Variants in CNTN5 observed in about 807,000 individuals in gnomAD.
The protein encoded by CNTN5 is contactin-5.
A neutral mutation model predicts 129.1 loss-of-function variants in CNTN5; 77 were observed. That is an observed-to-expected ratio of 0.60 (90% CI 0.50 to 0.72). CNTN5 has a LOEUF of 0.72. Among genes scored for constraint, CNTN5 ranks in the 30% least tolerant of loss-of-function variants. CNTN5 has a pLI of 0.00. For synonymous variants in CNTN5, 509 were observed against 465.6 expected, an observed-to-expected ratio of 1.09 and a Z score of -1.20; for missense variants, 1,478 against 1,328.8, an observed-to-expected ratio of 1.11 and a Z score of -1.75.
chr11:99,754,355 C>A (rs1944342475), intron 3 of CNTN5, among the ~76,000 whole-genome samples: 1 of 152,172 alleles, frequency 6.6e-6, no homozygotes, highest in Non-Finnish European at 1.5e-5. Context: ...ATACTGCAGT[C>A]TTTTCCCTCT....
At chr11:99,641,601 C>A (rs1019281063) in intron 3 of CNTN5, among the ~76,000 whole-genome samples, 7 of 152,080 alleles carry the variant, frequency 4.6e-5, no homozygotes, top group Non-Finnish European at 1.0e-4. Context: ...ACATCATTAT[C>A]TGGAATCTGG....
chr11:99,862,183 A>G (rs1948227549), intron 6 of CNTN5, among the ~76,000 whole-genome samples: 1 of 152,202 alleles, frequency 6.6e-6, no homozygotes, highest in African/African-American at 2.4e-5. Flanking sequence ...ATCATATTTA[A>G]TATGATACTT....
intron 1 of CNTN5, among the ~76,000 whole-genome samples, chr11:99,275,215 A>C (rs11606667): frequency 0.098 from 14,854 of 151,370 alleles, 752 homozygotes; most frequent in South Asian, 0.13. Flanking sequence ...AACTCAATCA[A>C]CAAACACATC....
intron 2 of CNTN5, among the ~76,000 whole-genome samples, chr11:99,412,278 G>A (rs1565561357): frequency 6.6e-6 from 1 of 152,112 alleles, no homozygotes; most frequent in Non-Finnish European, 1.5e-5. Flanking sequence ...AAGGTGAATA[G>A]ATAGTTTCTT....
At chr11:99,236,492 AC>A (rs747728086) in intron 1 of CNTN5, among the ~76,000 whole-genome samples, 91 of 151,094 alleles carry the variant, frequency 6.0e-4, no homozygotes, top group South Asian at 1.0e-3. Context: ...ACACACACAC[AC>A]ACACAGAGAG....
chr11:100,262,033 G>A (rs1043444173), intron 17 of CNTN5, among the ~76,000 whole-genome samples: 2 of 151,884 alleles, frequency 1.3e-5, no homozygotes, highest in African/African-American at 4.8e-5. Context: ...GGGAGAAAAT[G>A]TTTGCAATCT....
At chr11:99,908,990 G>T (rs1022530509) in intron 6 of CNTN5, among the ~76,000 whole-genome samples, 1 of 151,918 alleles carries the variant, frequency 6.6e-6, no homozygotes, top group African/African-American at 2.4e-5. Context: ...AGAAAAAACG[G>T]GGCTAATGAA....
chr11:99,181,605 C>CCCAT (rs1220234896), intron 1 of CNTN5, among the ~76,000 whole-genome samples: 1 of 152,120 alleles, frequency 6.6e-6, no homozygotes, highest in African/African-American at 2.4e-5. Flanking sequence ...GACATGATGA[C>CCCAT]CCAGGTACTG....
chr11:99,833,098 C>G (rs1396218668), intron 4 of CNTN5, among the ~76,000 whole-genome samples: 1 of 152,088 alleles, frequency 6.6e-6, no homozygotes, highest in Non-Finnish European at 1.5e-5. Context: ...TGATCCAAAA[C>G]CAAAAAGCAA....
intron 2 of CNTN5, among the ~76,000 whole-genome samples, chr11:99,343,796 C>T (rs1045411487): frequency 5.3e-5 from 8 of 152,022 alleles, no homozygotes; most frequent in Non-Finnish European, 1.0e-4. Flanking sequence ...TCATATAAAT[C>T]AATCAGATAC....
intron 3 of CNTN5, among the ~76,000 whole-genome samples, chr11:99,770,929 A>T (rs1349875570): frequency 2.0e-5 from 3 of 152,248 alleles, no homozygotes; most frequent in African/African-American, 7.2e-5. Flanking sequence ...TATAATAATC[A>T]AAAGAGTATG....
chr11:99,598,616 G>C (rs1950218454), intron 3 of CNTN5, among the ~76,000 whole-genome samples: 1 of 147,942 alleles, frequency 6.8e-6, no homozygotes, highest in South Asian at 2.1e-4. Flanking sequence ...GGATTAAAAA[G>C]ATAGCTTTTT....
intron 13 of CNTN5, among the ~76,000 whole-genome samples, chr11:100,183,837 C>G (rs1948213456): frequency 6.6e-6 from 1 of 152,058 alleles, no homozygotes; most frequent in Non-Finnish European, 1.5e-5. Flanking sequence ...AAATTAAGAA[C>G]AAATGATTTT....
At chr11:99,541,956 CAAAAAAAAAAAA>C (rs56363127) in intron 2 of CNTN5, among the ~76,000 whole-genome samples, 1 of 68,876 alleles carries the variant, frequency 1.5e-5, no homozygotes, top group African/African-American at 5.8e-5. Flanking sequence ...GATCTTGTCT[CAAAAAAAAAAAA>C]AAAAAAAAAA....
chr11:99,763,943 G>A (rs77545255), intron 3 of CNTN5, among the ~76,000 whole-genome samples: 1 of 151,840 alleles, frequency 6.6e-6, no homozygotes, highest in Non-Finnish European at 1.5e-5. Context: ...CCTAAAAAGA[G>A]CTTGTTCACA....
rs963379766 is a variant in CNTN5 at position 99,854,890 on chromosome 11, A to G, written c.577+9628A>G. Among the ~76,000 whole-genome samples, 3 of 152,198 alleles carry G rather than the reference A, an allele frequency of 2.0e-5. No homozygotes were observed. In the East Asian group the frequency reaches 5.8e-4, roughly 29 times the overall value. ...TGTGTTTCTCTCACAGAGACAAAAT[A>G]AAGGTAGAAAGAAAGAAGCTAGTGA... On this transcript the variant is annotated intron_variant, in intron 6 of 24. Transcript: ENST00000524871.
chr11:99,912,301 A>C (rs369468400), intron 6 of CNTN5, among the ~76,000 whole-genome samples: 12 of 152,046 alleles, frequency 7.9e-5, no homozygotes, highest in Non-Finnish European at 1.3e-4. Context: ...GTAAATGTTC[A>C]TGGTATGTTT....
intron 1 of CNTN5, among the ~76,000 whole-genome samples, chr11:99,073,056 A>T (rs1390363662): frequency 1.3e-5 from 2 of 152,156 alleles, no homozygotes; most frequent in African/African-American, 4.8e-5. Flanking sequence ...GTTGTGACAT[A>T]TTCGCTCCTT....
intron 18 of CNTN5, among the ~76,000 whole-genome samples, chr11:100,278,516 ATAT>A (rs1436159197): frequency 6.6e-6 from 1 of 151,772 alleles, no homozygotes; most frequent in Non-Finnish European, 1.5e-5. Context: ...CATTATAGAG[ATAT>A]TTCATTTATT....
Sources: gnomAD v4.1 joint callset for allele counts (sites outside exome capture counted in the v4.1 genomes callset) on GRCh38, gnomAD v4.1.1 for gene constraint, MANE v1.5 for transcripts, NCBI Gene and HGNC (gene_info 2026-07-23, HGNC 2026-07-21) for gene names.